DYRK1A: variants seen among roughly 807,000 people sequenced by gnomAD.
The protein encoded by DYRK1A is dual specificity tyrosine phosphorylation regulated kinase 1A, also known as dual specificity tyrosine-phosphorylation-regulated kinase 1A.
DYRK1A carries 9 observed loss-of-function variants against 79.7 expected under a neutral mutation model. The observed-to-expected ratio is 0.11, with a 90% CI of 0.07 to 0.20. DYRK1A has a LOEUF of 0.20. Among genes scored for constraint, DYRK1A ranks in the 10% least tolerant of loss-of-function variants. The probability of loss-of-function intolerance (pLI) is 1.00; values close to 1 mark genes in which losing one functional copy is unlikely to be tolerated. For synonymous variants in DYRK1A, 349 were observed against 329.7 expected, an observed-to-expected ratio of 1.06 and a Z score of -0.63; for missense variants, 622 against 956.0, an observed-to-expected ratio of 0.65 and a Z score of 4.61.
intron 6 of DYRK1A, chr21:37,488,299 G>GAA (rs1381082542): frequency 1.0e-6 from 1 of 958,670 alleles, no homozygotes. Context: ...GAAAACAAAA[G>GAA]AACTTTAGAT....
rs1440289911 is a variant in DYRK1A at position 37,521,522 on chromosome 21, A to G, written c.*8991A>G. Reference sequence around the variant, plus strand: ...GGTCTTAGGGATGAGGACAAAAAGCATGTCACATTTTGTTGTTATAAGTGG... The same window carrying G: ...GGTCTTAGGGATGAGGACAAAAAGCGTGTCACATTTTGTTGTTATAAGTGG... On this transcript the variant is annotated 3_prime_UTR_variant, in exon 12 of 12. Transcript: ENST00000647188. 6.6e-6 allele frequency: 1 copy of G among 152,258 alleles called. No homozygotes were observed. Among genetic ancestry groups the G allele is most frequent in the Non-Finnish European group, 1.5e-5 (1 of 68,042 alleles). The allele number at this position is 152,258 out of a possible 1,614,324, so 9.4% of individuals were successfully genotyped here.
intron 1 of DYRK1A, among the ~76,000 whole-genome samples, chr21:37,372,448 C>CAAATAAA (rs2049451831): frequency 8.5e-6 from 1 of 117,242 alleles, no homozygotes. Flanking sequence ...AGCACTGTCT[C>CAAATAAA]AAAAAAAAAA....
chr21:37,465,706 G>A (rs1292198850), intron 2 of DYRK1A, among the ~76,000 whole-genome samples: 4 of 152,000 alleles, frequency 2.6e-5, no homozygotes, highest in South Asian at 4.1e-4. Flanking sequence ...GGGTGGTGGC[G>A]GGTGCCTGTA....
chr21:37,395,550 T>G (rs1448614967), intron 1 of DYRK1A, among the ~76,000 whole-genome samples: 1 of 152,200 alleles, frequency 6.6e-6, no homozygotes, highest in Admixed American at 6.5e-5. Flanking sequence ...AAGAATACAT[T>G]TAATTTATTG....
At chr21:37,392,071 T>C (rs2049880787) in intron 1 of DYRK1A, among the ~76,000 whole-genome samples, 1 of 152,192 alleles carries the variant, frequency 6.6e-6, no homozygotes, top group Non-Finnish European at 1.5e-5. Context: ...CAAGGTTACA[T>C]AGTTGTAGTT....
intron 9 of DYRK1A, among the ~76,000 whole-genome samples, chr21:37,497,101 C>T (rs1375204805): frequency 6.6e-6 from 1 of 151,120 alleles, no homozygotes; most frequent in Non-Finnish European, 1.5e-5. Context: ...CATTTTATAA[C>T]ATTTAAGAGT....
intron 1 of DYRK1A, among the ~76,000 whole-genome samples, chr21:37,386,641 A>G (rs978130076): frequency 1.3e-5 from 2 of 152,344 alleles, no homozygotes; most frequent in East Asian, 3.9e-4. Flanking sequence ...GGATGCAGCT[A>G]TTGAACCTGA....
chr21:37,405,718 C>G (rs896407257), intron 1 of DYRK1A, among the ~76,000 whole-genome samples: 7 of 152,150 alleles, frequency 4.6e-5, no homozygotes, highest in Admixed American at 3.3e-4. Context: ...CAATCTTTCC[C>G]TCCCTCATAA....
chr21:37,452,377 T>C (rs536797687), intron 2 of DYRK1A, among the ~76,000 whole-genome samples: 15 of 149,410 alleles, frequency 1.0e-4, no homozygotes, highest in African/African-American at 3.7e-4. Context: ...GGTGGGGAGG[T>C]GGAAGTAAGA....
chr21:37,370,399 A>G (rs2148351774), intron 1 of DYRK1A, among the ~76,000 whole-genome samples: 1 of 152,150 alleles, frequency 6.6e-6, no homozygotes, highest in South Asian at 2.1e-4. Context: ...ATGTGGATAG[A>G]ATTAACTGTA....
rs1403330749 is a variant in DYRK1A, at chr21:37,515,768, A to C, written c.*3237A>C. ...GAAGTTAACCACATGTAAGAAAGGA[A>C]AACTTCCATTAGTTTTCTTCTTAGG... On this transcript the variant is annotated 3_prime_UTR_variant, in exon 12 of 12. Transcript: ENST00000647188. 6.6e-6 allele frequency: 1 copy of C among 152,194 alleles called. No homozygotes were observed. Among genetic ancestry groups the C allele is most frequent in the Non-Finnish European group, 1.5e-5 (1 of 68,030 alleles). 9.4% of individuals were successfully genotyped at this position (152,194 alleles called of 1,614,324 possible).
chr21:37,521,768 T>G lies in DYRK1A; in HGVS notation c.*9237T>G, dbSNP rs1339620701. 1.3e-5 allele frequency: 2 copies of G among 152,254 alleles called. No individual in the cohort carries two copies. Among genetic ancestry groups the G allele is most frequent in the African/African-American group, 4.8e-5 (2 of 41,446 alleles). The allele number at this position is 152,254 out of a possible 1,614,324, so 9.4% of individuals were successfully genotyped here. ...GAGGAGGCTTGCCAGCATCAGTTTA[T>G]AAGTGGACAGAGTCGAGAGCTATTT... On this transcript the variant is annotated 3_prime_UTR_variant, in exon 12 of 12. Transcript: ENST00000647188.
At chr21:37,432,991 G>T (rs2050819840) in intron 2 of DYRK1A, among the ~76,000 whole-genome samples, 1 of 146,774 alleles carries the variant, frequency 6.8e-6, no homozygotes, top group African/African-American at 2.5e-5. Context: ...AAAAAAAAAA[G>T]TTAATGATTA....
intron 2 of DYRK1A, among the ~76,000 whole-genome samples, chr21:37,427,074 A>G (rs1414721811): frequency 6.6e-6 from 1 of 152,248 alleles, no homozygotes; most frequent in Non-Finnish European, 1.5e-5. Flanking sequence ...AACTTAACAG[A>G]TACTAACAAT....
Position 37,519,736 on chromosome 21 carries a change from G to GTTTTTTTTTTTTTTTTTTTTTTTT in DYRK1A, c.*7228_*7229insTTTTTTTTTTTTTTTTTTTTTTTT, listed in dbSNP as rs10590534. On this transcript the variant is annotated 3_prime_UTR_variant, in exon 12 of 12. Transcript: ENST00000647188. ...AGAGTTTTGAGGTTTGTTGTGGGAA[G>GTTTTTTTTTTTTTTTTTTTTTTTT]TTTTTTTTTTTTTTTTTTTTTTTGA... is the stretch of plus-strand genomic sequence containing the variant. The GTTTTTTTTTTTTTTTTTTTTTTTT allele has an allele frequency of 4.7e-5, 4 of 85,800 alleles. No homozygotes were observed. Among genetic ancestry groups the GTTTTTTTTTTTTTTTTTTTTTTTT allele is most frequent in the African/African-American group, 1.9e-4 (4 of 20,578 alleles). The allele number at this position is 85,800 out of a possible 1,614,324, so 5.3% of individuals were successfully genotyped here.
At chr21:37,457,020 AC>A (rs1226767245) in intron 2 of DYRK1A, among the ~76,000 whole-genome samples, 141 of 82,346 alleles carry the variant, frequency 1.7e-3, no homozygotes, top group African/African-American at 6.3e-3. Flanking sequence ...AAATTTACTT[AC>A]TTACTTACTT....
chr21:37,453,705 A>G (rs1455986986), intron 2 of DYRK1A, among the ~76,000 whole-genome samples: 3 of 152,206 alleles, frequency 2.0e-5, no homozygotes, highest in Non-Finnish European at 4.4e-5. Flanking sequence ...ATTGAAATGT[A>G]TTATAACTCT....
At chr21:37,370,610 C>T (rs911158592) in intron 1 of DYRK1A, among the ~76,000 whole-genome samples, 1 of 152,098 alleles carries the variant, frequency 6.6e-6, no homozygotes, top group South Asian at 2.1e-4. Context: ...TCACCCCTCC[C>T]CAAGAAAAAA....
At chr21:37,398,127 T>C (rs1483994672) in intron 1 of DYRK1A, among the ~76,000 whole-genome samples, 2 of 148,166 alleles carry the variant, frequency 1.3e-5, no homozygotes, top group East Asian at 3.9e-4. Context: ...TATATTTATA[T>C]ATGTGTATAT....
Sources: allele counts gnomAD v4.1 joint callset (sites outside exome capture counted in the v4.1 genomes callset), GRCh38; gene constraint gnomAD v4.1.1; transcripts MANE v1.5; gene names NCBI Gene and HGNC (gene_info 2026-07-23, HGNC 2026-07-21).